CDYL2: variants seen among roughly 807,000 people sequenced by gnomAD.
CDYL2 encodes chromodomain Y like 2.
Under a neutral mutation model 49.4 loss-of-function variants are expected in CDYL2, and 23 were observed. The ratio of observed to expected loss-of-function variants is 0.47; its 90% CI spans 0.34 to 0.66. The LOEUF (loss-of-function observed/expected upper bound fraction) is 0.66, where lower values mean the gene tolerates loss of function less well. Among genes scored for constraint, CDYL2 ranks in the 30% least tolerant of loss-of-function variants. The pLI is 0.01. For synonymous variants in CDYL2, 360 were observed against 268.8 expected, an observed-to-expected ratio of 1.34 and a Z score of -3.32; for missense variants, 678 against 656.4, an observed-to-expected ratio of 1.03 and a Z score of -0.36.
intron 1 of CDYL2, among the ~76,000 whole-genome samples, chr16:80,778,233 T>C (rs931424176): frequency 3.9e-5 from 6 of 151,994 alleles, no homozygotes; most frequent in African/African-American, 1.4e-4. Flanking sequence ...AGCAGTTTTA[T>C]TGAATGAGAA....
At chr16:80,781,582 C>T (rs1200248274) in intron 1 of CDYL2, among the ~76,000 whole-genome samples, 1 of 152,150 alleles carries the variant, frequency 6.6e-6, no homozygotes, top group East Asian at 1.9e-4. Flanking sequence ...ACAGAGCATA[C>T]ATTCTTCTCA....
intron 1 of CDYL2, among the ~76,000 whole-genome samples, chr16:80,740,956 C>T (rs941075686): frequency 6.6e-6 from 1 of 151,396 alleles, no homozygotes; most frequent in East Asian, 1.9e-4. Flanking sequence ...TCAATCAAAA[C>T]CCCATCTGGA....
chr16:80,779,065 C>T (rs1395529852), intron 1 of CDYL2, among the ~76,000 whole-genome samples: 1 of 151,804 alleles, frequency 6.6e-6, no homozygotes, highest in Non-Finnish European at 1.5e-5. Context: ...TGAGGATAGC[C>T]TTCCCCTCAC....
chr16:80,795,083 G>T (rs866809835), intron 1 of CDYL2, among the ~76,000 whole-genome samples: 1 of 152,116 alleles, frequency 6.6e-6, no homozygotes, highest in Admixed American at 6.5e-5. Flanking sequence ...TGTTAGTAAG[G>T]CCCCTTAGGA....
chr16:80,750,398 A>C (rs892027376), intron 1 of CDYL2, among the ~76,000 whole-genome samples: 6 of 131,372 alleles, frequency 4.6e-5, no homozygotes, highest in Admixed American at 2.4e-4. Flanking sequence ...GACTGGATCC[A>C]AAAAAAAAAA....
intron 1 of CDYL2, among the ~76,000 whole-genome samples, chr16:80,704,742 C>G (rs147641651): frequency 1.4e-4 from 22 of 152,226 alleles, no homozygotes; most frequent in Non-Finnish European, 2.4e-4. Context: ...TGCTCTGAAC[C>G]AAGGAGGAAT....
intron 3 of CDYL2, among the ~76,000 whole-genome samples, chr16:80,632,218 T>C (rs750398980): frequency 6.6e-6 from 1 of 152,074 alleles, no homozygotes; most frequent in African/African-American, 2.4e-5. Context: ...ATTCATACAA[T>C]GGAATATTAT....
At chr16:80,798,068 C>T (rs1248920417) in intron 1 of CDYL2, among the ~76,000 whole-genome samples, 1 of 152,002 alleles carries the variant, frequency 6.6e-6, no homozygotes, top group Non-Finnish European at 1.5e-5. Context: ...TGAGACAGAG[C>T]CTCACTCTGT....
intron 1 of CDYL2, among the ~76,000 whole-genome samples, chr16:80,729,243 A>G (rs1905253280): frequency 6.6e-6 from 1 of 152,066 alleles, no homozygotes; most frequent in African/African-American, 2.4e-5. Flanking sequence ...TCAAAATAAA[A>G]GGATGGAGGA....
upstream of CDYL2, among the ~76,000 whole-genome samples, chr16:80,804,785 G>A (rs1908051270): frequency 6.9e-6 from 1 of 144,922 alleles, no homozygotes; most frequent in African/African-American, 2.5e-5. Context: ...GGTGCCCGCC[G>A]GGTGCGCCCG....
At chr16:80,754,379 A>C (rs1906237939) in intron 1 of CDYL2, among the ~76,000 whole-genome samples, 1 of 152,202 alleles carries the variant, frequency 6.6e-6, no homozygotes, top group Non-Finnish European at 1.5e-5. Context: ...ACAAACAGAG[A>C]TTAAGCCACA....
chr16:80,779,151 C>CA, intron 1 of CDYL2, among the ~76,000 whole-genome samples: 1 of 151,870 alleles, frequency 6.6e-6, no homozygotes, highest in South Asian at 2.1e-4. Flanking sequence ...GAAAGAAGCA[C>CA]AAAAATATAC....
chr16:80,679,595 G>T, intron 2 of CDYL2: 1 of 415,018 alleles, frequency 2.4e-6, no homozygotes, highest in South Asian at 1.8e-5. Context: ...AAACTCCAAG[G>T]CCTCATCTCA....
At chr16:80,708,746 G>A (rs554486826) in intron 1 of CDYL2, among the ~76,000 whole-genome samples, 1 of 152,114 alleles carries the variant, frequency 6.6e-6, no homozygotes, top group East Asian at 1.9e-4. Flanking sequence ...AAAACACACA[G>A]GGTTGTTTTT....
chr16:80,712,215 A>ATATATATATCTC lies in CDYL2; in HGVS notation c.25-27087_25-27086insGAGATATATATA, dbSNP rs763194077. Among the ~76,000 whole-genome samples the ATATATATATCTC allele has an allele frequency of 1.2e-3, 151 of 128,368 alleles. 3 individuals carry two copies. Among genetic ancestry groups the ATATATATATCTC allele is most frequent in the Non-Finnish European group, 2.1e-3 (122 of 56,978 alleles). 84.2% of individuals were successfully genotyped at this position (128,368 alleles called of 152,430 possible). A position where few individuals can be genotyped will look rare whatever the true frequency, so the allele number is the denominator to read the frequency against. ...TGTATATATATATATATATATATATATCTCCAAACCACTGCTCACTGTGAT... is the reference window on the plus strand; with the variant it reads ...TGTATATATATATATATATATATATATATATATATCTCTCTCCAAACCACTGCTCACTGTGAT... On this transcript the variant is annotated intron_variant, in intron 1 of 6. Transcript: ENST00000570137.
intron 2 of CDYL2, among the ~76,000 whole-genome samples, chr16:80,681,470 G>A (rs1194587996): frequency 6.6e-6 from 1 of 152,156 alleles, no homozygotes; most frequent in Non-Finnish European, 1.5e-5. Context: ...CTACACCTCT[G>A]GCCTGTTGCT....
intron 6 of CDYL2, among the ~76,000 whole-genome samples, chr16:80,604,872 G>A (rs1186602359): frequency 6.7e-6 from 1 of 149,338 alleles, no homozygotes; most frequent in South Asian, 2.1e-4. Context: ...GGGAGACACT[G>A]TTTTAACCTC....
At chr16:80,651,918 A>T (rs1211573091) in intron 2 of CDYL2, among the ~76,000 whole-genome samples, 1 of 152,186 alleles carries the variant, frequency 6.6e-6, no homozygotes, top group African/African-American at 2.4e-5. Flanking sequence ...TCACTGTGGG[A>T]GTTGGAGTTT....
At chr16:80,763,333 G>C (rs149916343) in intron 1 of CDYL2, among the ~76,000 whole-genome samples, 38 of 724 alleles carry the variant, frequency 0.052, no homozygotes, top group African/African-American at 0.16. Flanking sequence ...CACCAGGGCT[G>C]GGTGAGGTGG....
Sources: gnomAD v4.1 joint callset for allele counts (sites outside exome capture counted in the v4.1 genomes callset) on GRCh38, gnomAD v4.1.1 for gene constraint, MANE v1.5 for transcripts, NCBI Gene and HGNC (gene_info 2026-07-23, HGNC 2026-07-21) for gene names.